The following RAB35 variants were observed in gnomAD, a reference collection of about 807,000 sequenced individuals.
RAB35 encodes the protein RAB35, member RAS oncogene family, also known as ras-related protein Rab-35.
In RAB35, 4 loss-of-function variants were observed where a neutral mutation model predicts 28.9. That is an observed-to-expected ratio of 0.14 (90% CI 0.07 to 0.32). The LOEUF is 0.32. Among genes scored for constraint, RAB35 ranks in the 10% least tolerant of loss-of-function variants. The pLI is 1.00. For synonymous variants in RAB35, 99 were observed against 105.1 expected (o/e 0.94, Z 0.35); for missense variants, 128 against 274.0 (o/e 0.47, Z 3.76).
chr12:120,108,548 GC>G, intron 1 of RAB35, 81 bp from the exon 2 acceptor site: 1 of 1,344,676 alleles, frequency 7.4e-7, no homozygotes, highest in South Asian at 1.2e-5. Flanking sequence ...GGGAGAGGAT[GC>G]CTCAGTCCCA....
rs55855225 is a variant in RAB35 at position 120,108,086 on chromosome 12, C to T, written c.103+331G>A. 5.9e-3 allele frequency among the ~76,000 whole-genome samples: 896 copies of T among 152,204 alleles called. 9 individuals carry two copies. Among genetic ancestry groups the T allele is most frequent in the African/African-American group, 0.02 (818 of 41,530 alleles). ...CAGAAAGACACACGCTGACCACAGG[C>T]TGCCAGGGAGGCATAGGGGGCAGGA... is the stretch of plus-strand genomic sequence containing the variant. On this transcript the variant is annotated intron_variant, in intron 2 of 5. Transcript: ENST00000229340.
At chr12:120,098,317 T>TG (rs1875518715) in intron 5 of RAB35, among the ~76,000 whole-genome samples, 1 of 152,234 alleles carries the variant, frequency 6.6e-6, no homozygotes, top group African/African-American at 2.4e-5. Context: ...CCCAAGGTCA[T>TG]ACCAGCCTTG....
intron 1 of RAB35, among the ~76,000 whole-genome samples, chr12:120,110,252 T>C (rs1216794753): frequency 6.7e-6 from 1 of 148,468 alleles, no homozygotes; most frequent in African/African-American, 2.6e-5. Context: ...AAGTGCAGAT[T>C]TGAGCCTAGG....
At position 120,110,135 on chromosome 12, in the gene RAB35, G is replaced by A. The variant is rs138532544; in HGVS notation, c.53-1668C>T. 1.5e-4 allele frequency among the ~76,000 whole-genome samples: 23 copies of A among 152,094 alleles called. No homozygotes were observed. In the East Asian group the frequency reaches 1.5e-3, roughly 10 times the overall value. On this transcript the variant is annotated intron_variant, in intron 1 of 5. Coordinates refer to ENST00000229340, the MANE Select transcript of RAB35 (RefSeq NM_006861.7). ...CAATACACATTGCTGGGAGTCTTGC[G>A]TCTGGTTCAGGAAGTTTGGAAAAAA...
At chr12:120,098,987 T>C (rs2139048245) in intron 4 of RAB35, 43 bp downstream of exon 4, 1 of 1,614,014 alleles carries the variant, frequency 6.2e-7, no homozygotes, top group South Asian at 1.1e-5. Flanking sequence ...GCCGGCTGCC[T>C]CTCTCCCACC....
In RAB35 at chr12:120,099,139, G is replaced by A. The variant is rs373749579; in HGVS notation, c.243C>T (p.Thr81=). 6.2e-7 allele frequency: 1 copy of A among 1,614,246 alleles called. No homozygotes were observed. The highest frequency in any genetic ancestry group is 1.3e-5 in the African/African-American group (1 of 75,070). Residue 81 remains threonine (T), a synonymous_variant, in exon 4 of 6, where the codon ACC becomes ACT. Coordinates refer to ENST00000229340, the MANE Select transcript of RAB35 (RefSeq NM_006861.7). ...RTITSTYYRG[T]HGVIVVYDVT... is the part of the protein sequence containing the mutation. ...CGTCGTAAACCACAATGACCCCGTG[G>A]GTCCCCCGATAATACCTGCAGGGCC...
Position 120,098,845 on chromosome 12 carries a change from T to G in RAB35, c.443A>C (p.Glu148Ala). The change falls in exon 5 of 6, where the codon GAG (glutamate) becomes GCG (alanine). Residue 148 changes from glutamate (E) to alanine (A), a missense_variant. Transcript: ENST00000229340. ...FAGQMGIQLF[E>A]TSAKENVNVE... ...GTTGACATTCTCCTTGGCGCTGGTC[T>G]CGAACAACTGGATGCCCATCTGCCC... The G allele has an allele frequency of 6.2e-7, 1 of 1,614,232 alleles. No homozygotes were observed.
chr12:120,112,823 A>T (rs1379458073), intron 1 of RAB35, among the ~76,000 whole-genome samples: 2 of 150,286 alleles, frequency 1.3e-5, no homozygotes, highest in Non-Finnish European at 3.0e-5. Context: ...CTCCTGGGTT[A>T]AAACAATCTT....
At chr12:120,107,971 G>A (rs777227867) in intron 2 of RAB35, among the ~76,000 whole-genome samples, 4 of 151,720 alleles carry the variant, frequency 2.6e-5, no homozygotes, top group Admixed American at 6.6e-5. Context: ...TAACAGCAGC[G>A]TCAGTGCACC....
chr12:120,106,876 C>T (rs1381194143), intron 2 of RAB35, among the ~76,000 whole-genome samples: 3 of 151,748 alleles, frequency 2.0e-5, no homozygotes, highest in Non-Finnish European at 2.9e-5. Flanking sequence ...CGTGAGCCAC[C>T]GCGCCTGGCC....
intron 3 of RAB35, among the ~76,000 whole-genome samples, chr12:120,099,661 C>T (rs1360664796): frequency 1.3e-5 from 2 of 152,230 alleles, no homozygotes. Flanking sequence ...CTTCCTGCTA[C>T]TCTTGGCTCA....
intron 1 of RAB35, among the ~76,000 whole-genome samples, chr12:120,110,401 G>C (rs1396207314): frequency 6.8e-6 from 1 of 147,306 alleles, no homozygotes; most frequent in African/African-American, 2.5e-5. Flanking sequence ...ACAGGTGTTC[G>C]CCACCACACC....
At chr12:120,104,466 T>C (rs986472802) in intron 2 of RAB35, among the ~76,000 whole-genome samples, 2 of 152,026 alleles carry the variant, frequency 1.3e-5, no homozygotes, top group Non-Finnish European at 2.9e-5. Context: ...TCACATGAGG[T>C]CAAGCCTGCC....
chr12:120,096,670 C>T lies in RAB35; in HGVS notation c.*575G>A, dbSNP rs1179059628. The T allele has an allele frequency of 1.6e-5, 20 of 1,289,700 alleles. No individual in the cohort carries two copies. The East Asian group carries it at 2.8e-4, about 18-fold the overall frequency. 79.9% of individuals were successfully genotyped at this position (1,289,700 alleles called of 1,614,324 possible). On this transcript the variant is annotated 3_prime_UTR_variant, in exon 6 of 6. Coordinates refer to ENST00000229340, the MANE Select transcript of RAB35 (RefSeq NM_006861.7). ...CAGAATGGCTGTGGGGACAGGACAACGGGGAGGGAAGGGAGCTGGCACAGG... is the reference window on the plus strand; with the variant it reads ...CAGAATGGCTGTGGGGACAGGACAATGGGGAGGGAAGGGAGCTGGCACAGG...
At position 120,099,244 on chromosome 12, in the gene RAB35, C is replaced by T. The variant is rs544385056; in HGVS notation, c.228-90G>A. 4.4e-4 allele frequency: 684 copies of T among 1,539,948 alleles called. 1 individual carries two copies. Among genetic ancestry groups the T allele is most frequent in the Admixed American group, 2.0e-3 (112 of 57,084 alleles). On this transcript the variant is annotated intron_variant, in intron 3 of 5. Coordinates refer to ENST00000229340, the MANE Select transcript of RAB35 (RefSeq NM_006861.7). ...ACCTGCCCACGTCAGGACACTGACC[C>T]GGAAAAGGTGAGGGTGGCCCTGGAG...
chr12:120,105,832 G>A (rs564810059), intron 2 of RAB35, among the ~76,000 whole-genome samples: 1 of 151,354 alleles, frequency 6.6e-6, no homozygotes, highest in Non-Finnish European at 1.5e-5. Context: ...CAGGAGAATG[G>A]CGTGAACCCG....
At chr12:120,112,708 T>A (rs1326899329) in intron 1 of RAB35, among the ~76,000 whole-genome samples, 7 of 150,080 alleles carry the variant, frequency 4.7e-5, no homozygotes, top group African/African-American at 1.7e-4. Flanking sequence ...GGATTACAGG[T>A]GTGAGCTACC....
chr12:120,096,834 C>T lies in RAB35; in HGVS notation c.*411G>A, dbSNP rs1449041562. 64 of 1,295,306 alleles carry T rather than the reference C, an allele frequency of 4.9e-5. No homozygotes were observed. Among genetic ancestry groups the T allele is most frequent in the Middle Eastern group, 2.1e-4 (1 of 4,750 alleles). The allele number at this position is 1,295,306 out of a possible 1,614,324, so 80.2% of individuals were successfully genotyped here. On this transcript the variant is annotated 3_prime_UTR_variant, in exon 6 of 6. Transcript: ENST00000229340. Reference sequence around the variant, plus strand: ...AGAACGTGCCGCTGTCTCCTCAGGACGCTGCTTGCAGTAAGATGGGCTGGG... The same window carrying T: ...AGAACGTGCCGCTGTCTCCTCAGGATGCTGCTTGCAGTAAGATGGGCTGGG...
At chr12:120,105,767 C>CA (rs1298255987) in intron 2 of RAB35, among the ~76,000 whole-genome samples, 2 of 151,956 alleles carry the variant, frequency 1.3e-5, no homozygotes, top group East Asian at 3.9e-4. Context: ...ACTAAAAATA[C>CA]AAAAAATTAG....
Sources: allele counts gnomAD v4.1 joint callset (sites outside exome capture counted in the v4.1 genomes callset), GRCh38; gene constraint gnomAD v4.1.1; transcripts MANE v1.5; gene names NCBI Gene and HGNC (gene_info 2026-07-23, HGNC 2026-07-21).